KANK4: variants seen among roughly 807,000 people sequenced by gnomAD.
The protein encoded by KANK4 is KN motif and ankyrin repeat domains 4, also known as KN motif and ankyrin repeat domain-containing protein 4.
Under a neutral mutation model 80.8 loss-of-function variants are expected in KANK4, and 50 were observed. The observed-to-expected ratio is 0.62, with a 90% CI of 0.49 to 0.78. The LOEUF is 0.78. KANK4 is among the 30% of genes least tolerant of loss of function. The pLI is 0.00. For synonymous variants in KANK4, 465 were observed against 506.9 expected (o/e 0.92, Z 1.11); for missense variants, 1,196 against 1,240.1 (o/e 0.96, Z 0.53).
chr1:62,265,842 C>A (rs553443809), intron 6 of KANK4, among the ~76,000 whole-genome samples: 2 of 152,170 alleles, frequency 1.3e-5, no homozygotes, highest in Non-Finnish European at 2.9e-5. Context: ...TGCGTATTTT[C>A]TTGTTTTCAG....
intron 8 of KANK4, among the ~76,000 whole-genome samples, chr1:62,248,909 T>G (rs1256897355): frequency 7.0e-6 from 1 of 143,656 alleles, no homozygotes; most frequent in Non-Finnish European, 1.5e-5. Flanking sequence ...ACGCCTGTAA[T>G]CCCTGCACTT....
intron 1 of KANK4, among the ~76,000 whole-genome samples, chr1:62,305,956 A>G (rs1411339601): frequency 1.3e-5 from 2 of 151,942 alleles, no homozygotes; most frequent in African/African-American, 2.4e-5. Flanking sequence ...AGCTCTTTCT[A>G]TTTAGTAGTG....
intron 7 of KANK4, 82 bp downstream of exon 7, chr1:62,263,010 T>C: frequency 2.1e-6 from 2 of 969,306 alleles, no homozygotes; most frequent in Admixed American, 2.1e-5. Context: ...TTTAAAGCTA[T>C]TGAAATTTTT....
intron 7 of KANK4, among the ~76,000 whole-genome samples, chr1:62,256,758 A>G (rs1341836272): frequency 6.6e-6 from 1 of 152,186 alleles, no homozygotes; most frequent in Non-Finnish European, 1.5e-5. Flanking sequence ...CAGAGGCATC[A>G]GTCTGTCTCA....
chr1:62,245,701 C>A (rs1359433352), intron 9 of KANK4, among the ~76,000 whole-genome samples: 2 of 151,992 alleles, frequency 1.3e-5, no homozygotes, highest in African/African-American at 4.8e-5. Context: ...AAAGTGGGGT[C>A]GATATCTATC....
intron 4 of KANK4, 134 bp downstream of exon 4, chr1:62,271,344 T>G (rs1455101418): frequency 1.5e-6 from 1 of 686,626 alleles, no homozygotes; most frequent in East Asian, 2.6e-5. Context: ...GATGGAGTTT[T>G]AAAGGGCCAT....
intron 1 of KANK4, among the ~76,000 whole-genome samples, chr1:62,309,995 G>T (rs114946692): frequency 0.011 from 1,611 of 152,354 alleles, 21 homozygotes; most frequent in African/African-American, 0.036. Flanking sequence ...AAAGCCAAGG[G>T]ACATGGGGAT....
chr1:62,255,034 C>T (rs939024071), intron 7 of KANK4, among the ~76,000 whole-genome samples: 2 of 150,652 alleles, frequency 1.3e-5, no homozygotes, highest in African/African-American at 2.4e-5. Flanking sequence ...TACAGGTGCA[C>T]GCCACCATGC....
chr1:62,238,821 G>A (rs776925220), intron 9 of KANK4, among the ~76,000 whole-genome samples: 2 of 152,008 alleles, frequency 1.3e-5, no homozygotes, highest in Non-Finnish European at 2.9e-5. Flanking sequence ...GTAGAGACGG[G>A]GTGTCACCAT....
At position 62,281,625 on chromosome 1, in the gene KANK4, G is replaced by T. The variant is rs561134084; in HGVS notation, c.-61C>A. Reference sequence around the variant, plus strand: ...TTCATCCAATGAGTCTGTAAAACTTGTTGAAGGTTCTGAAAGAAAGGAGGA... The same window carrying T: ...TTCATCCAATGAGTCTGTAAAACTTTTTGAAGGTTCTGAAAGAAAGGAGGA... On this transcript the variant is annotated 5_prime_UTR_variant, in exon 2 of 10. Coordinates refer to ENST00000371153, the MANE Select transcript of KANK4 (RefSeq NM_181712.5). The T allele has an allele frequency of 1.3e-6, 2 of 1,597,548 alleles. No homozygotes were observed. The highest frequency in any genetic ancestry group is 2.2e-5 in the East Asian group (1 of 44,782).
chr1:62,315,228 A>G (rs577844133), intron 1 of KANK4, among the ~76,000 whole-genome samples: 15 of 152,128 alleles, frequency 9.9e-5, no homozygotes, highest in Non-Finnish European at 1.9e-4. Context: ...CAATCCCAGG[A>G]TACACTGACC....
At chr1:62,257,036 C>T (rs1018915114) in intron 7 of KANK4, among the ~76,000 whole-genome samples, 3 of 152,140 alleles carry the variant, frequency 2.0e-5, no homozygotes, top group Non-Finnish European at 2.9e-5. Context: ...CTGACACCTG[C>T]TCAGGGGCTC....
chr1:62,238,506 C>CT, intron 9 of KANK4, 125 bp from the exon 10 acceptor site: 1 of 690,220 alleles, frequency 1.4e-6, no homozygotes, highest in East Asian at 2.7e-5. Context: ...TTCCAGAGAC[C>CT]TCGGTAGAGA....
intron 9 of KANK4, among the ~76,000 whole-genome samples, chr1:62,239,951 T>C (rs1671299041): frequency 6.6e-6 from 1 of 152,220 alleles, no homozygotes; most frequent in South Asian, 2.1e-4. Flanking sequence ...TCTTTGCTAT[T>C]GTGAATAGTG....
intron 6 of KANK4, among the ~76,000 whole-genome samples, chr1:62,263,947 A>G (rs1671957083): frequency 6.6e-6 from 1 of 152,200 alleles, no homozygotes. Flanking sequence ...ACCATGAACG[A>G]GAAGAGTTCC....
At chr1:62,279,865 G>A (rs1672415019) in intron 2 of KANK4, among the ~76,000 whole-genome samples, 1 of 152,102 alleles carries the variant, frequency 6.6e-6, no homozygotes, top group Non-Finnish European at 1.5e-5. Context: ...GCTAGAGGAG[G>A]CTCAGAGCTA....
intron 1 of KANK4, among the ~76,000 whole-genome samples, chr1:62,306,127 G>A (rs567143335): frequency 6.6e-6 from 1 of 152,224 alleles, no homozygotes; most frequent in African/African-American, 2.4e-5. Context: ...TGGGACTACA[G>A]GCATGTGCCA....
intron 1 of KANK4, among the ~76,000 whole-genome samples, chr1:62,286,106 AGT>A (rs951864523): frequency 3.2e-4 from 48 of 152,302 alleles, no homozygotes; most frequent in African/African-American, 1.1e-3. Flanking sequence ...GTTTTTTGCA[AGT>A]GTGTGTCATT....
intron 9 of KANK4, among the ~76,000 whole-genome samples, chr1:62,243,574 A>T: frequency 1.3e-5 from 2 of 152,000 alleles, no homozygotes; most frequent in Non-Finnish European, 2.9e-5. Flanking sequence ...CCTGACCTCA[A>T]GTGATCCACC....
Sources: gnomAD v4.1 joint callset for allele counts (sites outside exome capture counted in the v4.1 genomes callset) on GRCh38, gnomAD v4.1.1 for gene constraint, MANE v1.5 for transcripts, NCBI Gene and HGNC (gene_info 2026-07-23, HGNC 2026-07-21) for gene names.